Variants in RDH14 observed in about 807,000 individuals in gnomAD.
RDH14 encodes alcohol dehydrogenase PAN2.
A neutral mutation model predicts 19.3 loss-of-function variants in RDH14; 17 were observed. The observed-to-expected ratio is 0.88, with a 90% CI of 0.60 to 1.32. RDH14 has a LOEUF of 1.32. RDH14 is among the 40% of genes most tolerant of loss of function. RDH14 has a pLI of 0.00. For missense variants in RDH14, 534 were observed against 449.2 expected, an observed-to-expected ratio of 1.19 and a Z score of -1.71; for synonymous variants, 215 against 188.9, an observed-to-expected ratio of 1.14 and a Z score of -1.13.
rs1192775631 is a variant in RDH14, at chr2:18,555,488, T to C, written c.714A>G (p.Thr238=). 2 of 1,614,188 alleles carry C rather than the reference T, an allele frequency of 1.2e-6. No homozygotes were observed. The highest frequency in any genetic ancestry group is 1.7e-6 in the Non-Finnish European group (2 of 1,179,996). The change falls in exon 2 of 2, where the codon ACA becomes ACG. Residue 238 remains threonine (T), a synonymous_variant. Coordinates refer to ENST00000381249, the MANE Select transcript of RDH14 (RefSeq NM_020905.4). Reference sequence around the variant, plus strand: ...GATGCAACACATTGACGGTGACATTTGTGCCTTCTAAGCGGCGGGCTAGTT... The same window carrying C: ...GATGCAACACATTGACGGTGACATTCGTGCCTTCTAAGCGGCGGGCTAGTT... ...TRELARRLEG[T]NVTVNVLHPG... is the part of the protein sequence containing the mutation.
chr2:18,558,301 A>C (rs1020274007), intron 1 of RDH14, among the ~76,000 whole-genome samples: 4 of 152,212 alleles, frequency 2.6e-5, no homozygotes, highest in Admixed American at 6.5e-5. Flanking sequence ...AACAAAATAA[A>C]CATATTATTT....
chr2:18,560,468 G>A lies in RDH14; in HGVS notation c.105C>T (p.Gly35=), dbSNP rs1217591986. ...TCCCGTGCATGAGGCCGGGGTCCCC[G>A]CCTCTGCGCAGCCGCTGGACCCTGG... ...VGPRVQRLRR[G]GDPGLMHGKT... Residue 35 remains glycine, a synonymous_variant, in exon 1 of 2, where the codon GGC becomes GGT. Coordinates refer to ENST00000381249, the MANE Select transcript of RDH14 (RefSeq NM_020905.4). The A allele has an allele frequency of 2.6e-6, 4 of 1,513,706 alleles. No homozygotes were observed. The highest frequency in any genetic ancestry group is 2.9e-5 in the African/African-American group (2 of 69,670). The allele number at this position is 1,513,706 out of a possible 1,614,324, so 93.8% of individuals were successfully genotyped here.
rs773482520 is a variant in RDH14 at position 18,560,489 on chromosome 2, C to T, written c.84G>A (p.Arg28=). ...CCCCGCCTCTGCGCAGCCGCTGGACCCTGGGCCCCACGAACCGGCGGGCCG... is the reference window on the plus strand; with the variant it reads ...CCCCGCCTCTGCGCAGCCGCTGGACTCTGGGCCCCACGAACCGGCGGGCCG... ...WLAARRFVGP[R]VQRLRRGGDP... The change falls in exon 1 of 2, where the codon AGG becomes AGA. Residue 28 remains arginine (R), a synonymous_variant. Coordinates refer to ENST00000381249, the MANE Select transcript of RDH14 (RefSeq NM_020905.4). 1.9e-5 allele frequency: 29 copies of T among 1,514,880 alleles called. No individual in the cohort carries two copies. The South Asian group carries it at 3.5e-4, about 18-fold the overall frequency. 93.8% of individuals were successfully genotyped at this position (1,514,880 alleles called of 1,614,324 possible). A position where few individuals can be genotyped will look rare whatever the true frequency, so the allele number is the denominator to read the frequency against.
At chr2:18,558,249 C>T (rs1010244767) in intron 1 of RDH14, among the ~76,000 whole-genome samples, 1 of 152,144 alleles carries the variant, frequency 6.6e-6, no homozygotes, top group Admixed American at 6.5e-5. Context: ...GTGTAATGAC[C>T]AACAGAGATA....
intron 1 of RDH14, among the ~76,000 whole-genome samples, chr2:18,559,818 G>A (rs2148056029): frequency 6.6e-6 from 1 of 152,224 alleles, no homozygotes; most frequent in East Asian, 1.9e-4. Flanking sequence ...ACAGCTTGGT[G>A]CAAATTCACT....
Position 18,555,734 on chromosome 2 carries a change from C to A in RDH14, c.468G>T (p.Gly156=). The A allele has an allele frequency of 6.2e-7, 1 of 1,614,074 alleles. No individual in the cohort carries two copies. The highest frequency in any genetic ancestry group is 8.5e-7 in the Non-Finnish European group (1 of 1,179,934). Reference sequence around the variant, plus strand: ...GGTTCACTCCGAACTGCATCTCAAACCCATCTTCAGTCTTCATGTAAGGGC... The same window carrying A: ...GGTTCACTCCGAACTGCATCTCAAAACCATCTTCAGTCTTCATGTAAGGGC... ...FQCPYMKTED[G]FEMQFGVNHL... Residue 156 remains glycine, a synonymous_variant, in exon 2 of 2, where the codon GGG becomes GGT. Transcript: ENST00000381249.
chr2:18,555,411 A>C lies in RDH14; in HGVS notation c.791T>G (p.Val264Gly). Residue 264 changes from valine (V) to glycine (G), a missense_variant, in exon 2 of 2, where the codon GTC becomes GGC. By Grantham distance (109) the Val-to-Gly change is moderately radical. Transcript: ENST00000381249. ...LGRHIHIPLL[V>G]KPLFNLVSWA... ...TGACACCAAATTGAAGAGTGGTTTG[A>C]CCAACAGTGGAATGTGTATGTGCCT... 6.2e-7 allele frequency: 1 copy of C among 1,614,144 alleles called. No homozygotes were observed. Among genetic ancestry groups the C allele is most frequent in the Non-Finnish European group, 8.5e-7 (1 of 1,179,988 alleles).
At position 18,560,490 on chromosome 2, in the gene RDH14, C is replaced by T. The variant is rs1161482429; in HGVS notation, c.83G>A (p.Arg28Lys). Residue 28 changes from arginine (R) to lysine (K), a missense_variant, in exon 1 of 2, where the codon AGG (arginine) becomes AAG (lysine). Physicochemically the swap from Arg to Lys is conservative, Grantham distance 26. Coordinates refer to ENST00000381249, the MANE Select transcript of RDH14 (RefSeq NM_020905.4). ...WLAARRFVGP[R>K]VQRLRRGGDP... ...CCCGCCTCTGCGCAGCCGCTGGACC[C>T]TGGGCCCCACGAACCGGCGGGCCGC... is the stretch of plus-strand genomic sequence containing the variant. 3.3e-6 allele frequency: 5 copies of T among 1,514,606 alleles called. No homozygotes were observed. The highest frequency in any genetic ancestry group is 1.4e-5 in the African/African-American group (1 of 69,640). 93.8% of individuals were successfully genotyped at this position (1,514,606 alleles called of 1,614,324 possible).
At position 18,555,191 on chromosome 2, in the gene RDH14, C is replaced by CTAT. The variant is rs746007162; in HGVS notation, c.1008_1010dup (p.Ter337delinsTer). On this transcript the variant is annotated inframe_insertion and stop_retained_variant, in exon 2 of 2. Transcript: ENST00000381249. ...TAAACAGCTCTTTTACTCCTTGTTC[C>CTAT]TATTTTAGCAGGCCAACCATCACTT... The CTAT allele has an allele frequency of 1.3e-5, 21 of 1,612,248 alleles. No individual in the cohort carries two copies. The South Asian group carries it at 2.3e-4, about 18-fold the overall frequency.
chr2:18,557,645 A>AT (rs774928556), intron 1 of RDH14, among the ~76,000 whole-genome samples: 44 of 151,190 alleles, frequency 2.9e-4, no homozygotes, highest in Non-Finnish European at 5.0e-4. Flanking sequence ...CTACATTTCC[A>AT]TTTTTTTTTC....
At chr2:18,557,227 C>CAACATGT (rs72538212) in intron 1 of RDH14, among the ~76,000 whole-genome samples, 1 of 151,484 alleles carries the variant, frequency 6.6e-6, no homozygotes, top group African/African-American at 2.4e-5. Context: ...AAGAAATGCA[C>CAACATGT]ATGTTCCAAG....
chr2:18,560,579 G>A lies in RDH14; in HGVS notation c.-7C>T. ...CCGCAGTGGCCACTGCCATCGTCAG[G>A]CCCGAGGGCCCACCGGCCCCTCCAC... is the stretch of plus-strand genomic sequence containing the variant. On this transcript the variant is annotated 5_prime_UTR_variant, in exon 1 of 2. Coordinates refer to ENST00000381249, the MANE Select transcript of RDH14 (RefSeq NM_020905.4). The A allele has an allele frequency of 7.0e-7, 1 of 1,427,508 alleles. No homozygotes were observed. Among genetic ancestry groups the A allele is most frequent in the South Asian group, 1.5e-5 (1 of 68,378 alleles). The allele number at this position is 1,427,508 out of a possible 1,614,324, so 88.4% of individuals were successfully genotyped here. A position where few individuals can be genotyped will look rare whatever the true frequency, so the allele number is the denominator to read the frequency against.
Position 18,555,467 on chromosome 2 carries a change from C to G in RDH14, c.735G>C (p.Leu245Phe). ...GATTTGTCCGTACAATACCAGGATG[C>G]AACACATTGACGGTGACATTTGTGC... ...LEGTNVTVNV[L>F]HPGIVRTNLG... The change falls in exon 2 of 2, where the codon TTG (leucine) becomes TTC (phenylalanine). Residue 245 changes from leucine (L) to phenylalanine (F), a missense_variant. Coordinates refer to ENST00000381249, the MANE Select transcript of RDH14 (RefSeq NM_020905.4). The G allele has an allele frequency of 6.2e-7, 1 of 1,614,136 alleles. No homozygotes were observed. The highest frequency in any genetic ancestry group is 1.1e-5 in the South Asian group (1 of 91,074).
chr2:18,560,518 G>C lies in RDH14; in HGVS notation c.55C>G (p.Leu19Val). Residue 19 changes from leucine to valine, a missense_variant, in exon 1 of 2, where the codon CTG becomes GTG. Leu to Val is a conservative substitution (Grantham distance 32). Coordinates refer to ENST00000381249, the MANE Select transcript of RDH14 (RefSeq NM_020905.4). ...VLAALGGALW[L>V]AARRFVGPRV... is the part of the protein sequence containing the mutation. Reference sequence around the variant, plus strand: ...GGCCCCACGAACCGGCGGGCCGCCAGCCACAGCGCCCCGCCCAGAGCGGCC... The same window carrying C: ...GGCCCCACGAACCGGCGGGCCGCCACCCACAGCGCCCCGCCCAGAGCGGCC... The C allele has an allele frequency of 6.6e-7, 1 of 1,510,508 alleles. No individual in the cohort carries two copies. Among genetic ancestry groups the C allele is most frequent in the Non-Finnish European group, 8.8e-7 (1 of 1,137,560 alleles). The allele number at this position is 1,510,508 out of a possible 1,614,324, so 93.6% of individuals were successfully genotyped here.
chr2:18,556,958 T>C (rs922591995), intron 1 of RDH14, among the ~76,000 whole-genome samples: 3 of 152,052 alleles, frequency 2.0e-5, no homozygotes, highest in Admixed American at 6.5e-5. Context: ...GAGAACATCA[T>C]GAATAAATCG....
chr2:18,560,076 C>T, intron 1 of RDH14, 104 bp downstream of exon 1: 1 of 1,289,778 alleles, frequency 7.8e-7, no homozygotes, highest in Non-Finnish European at 1.0e-6. Context: ...CAAGGTGACA[C>T]CCTGAACCCC....
In RDH14 at chr2:18,560,377, G is replaced by A. The variant is rs1664071578; in HGVS notation, c.196C>T (p.Leu66=). 9 of 1,473,124 alleles carry A rather than the reference G, an allele frequency of 6.1e-6. No individual in the cohort carries two copies. The highest frequency in any genetic ancestry group is 7.1e-6 in the Non-Finnish European group (8 of 1,121,438). The allele number at this position is 1,473,124 out of a possible 1,614,324, so 91.3% of individuals were successfully genotyped here. A position where few individuals can be genotyped will look rare whatever the true frequency, so the allele number is the denominator to read the frequency against. ...GRATAAELLR[L]GARVIMGCRD... ...CAGCCCATGATCACCCGCGCTCCCAGGCGCAGTAGCTCGGCGGCCGTGGCG... is the reference window on the plus strand; with the variant it reads ...CAGCCCATGATCACCCGCGCTCCCAAGCGCAGTAGCTCGGCGGCCGTGGCG... Residue 66 remains leucine (L), a synonymous_variant, in exon 1 of 2, where the codon CTG becomes TTG. Coordinates refer to ENST00000381249, the MANE Select transcript of RDH14 (RefSeq NM_020905.4).
intron 1 of RDH14, among the ~76,000 whole-genome samples, chr2:18,558,544 T>C (rs1275627269): frequency 3.3e-5 from 5 of 152,196 alleles, no homozygotes; most frequent in Non-Finnish European, 7.4e-5. Flanking sequence ...CACATGGGCC[T>C]CAAGATCTTT....
Position 18,560,579 on chromosome 2 carries a change from GC to G in RDH14, c.-8del. The G allele has an allele frequency of 7.0e-7, 1 of 1,427,506 alleles. No individual in the cohort carries two copies. Among genetic ancestry groups the G allele is most frequent in the Admixed American group, 3.1e-5 (1 of 32,530 alleles). 88.4% of individuals were successfully genotyped at this position (1,427,506 alleles called of 1,614,324 possible). Reference sequence around the variant, plus strand: ...CCGCAGTGGCCACTGCCATCGTCAGGCCCGAGGGCCCACCGGCCCCTCCACG... The same window carrying G: ...CCGCAGTGGCCACTGCCATCGTCAGGCCGAGGGCCCACCGGCCCCTCCACG... On this transcript the variant is annotated 5_prime_UTR_variant, in exon 1 of 2. Coordinates refer to ENST00000381249, the MANE Select transcript of RDH14 (RefSeq NM_020905.4).
Sources: allele counts gnomAD v4.1 joint callset (sites outside exome capture counted in the v4.1 genomes callset), GRCh38; gene constraint gnomAD v4.1.1; transcripts MANE v1.5; gene names NCBI Gene and HGNC (gene_info 2026-07-23, HGNC 2026-07-21).